Variants in PEPD observed in about 807,000 individuals in gnomAD.
PEPD encodes xaa-Pro dipeptidase.
Under a neutral mutation model 60.7 loss-of-function variants are expected in PEPD, and 53 were observed. The observed-to-expected ratio is 0.87, with a 90% CI of 0.70 to 1.10. The LOEUF is 1.10. PEPD is among the 50% of genes least tolerant of loss of function. PEPD has a pLI of 0.00. For missense variants in PEPD, 711 were observed against 711.9 expected (o/e 1.00, Z 0.01); for synonymous variants, 267 against 284.1 (o/e 0.94, Z 0.60).
At chr19:33,437,541 A>G (rs1969401861) in intron 9 of PEPD, among the ~76,000 whole-genome samples, 1 of 152,164 alleles carries the variant, frequency 6.6e-6, no homozygotes, top group Non-Finnish European at 1.5e-5. Context: ...TTAAGAAGAT[A>G]CTGTAGGCAC....
At chr19:33,430,678 A>G (rs1969251322) in intron 9 of PEPD, among the ~76,000 whole-genome samples, 1 of 152,200 alleles carries the variant, frequency 6.6e-6, no homozygotes, top group South Asian at 2.1e-4. Context: ...TCATTTTGAA[A>G]ACACTTTTGG....
rs1461154730 is a variant in PEPD at position 33,494,502 on chromosome 19, A to T, written c.394-1165T>A. Among the ~76,000 whole-genome samples the T allele has an allele frequency of 2.6e-5, 4 of 152,262 alleles. No homozygotes were observed. The East Asian group carries it at 7.7e-4, about 29-fold the overall frequency. ...TGCACGTACAATCCTATCTCCAGAGACATTTTAGCTTTGCTCATAAAAACA... is the reference window on the plus strand; with the variant it reads ...TGCACGTACAATCCTATCTCCAGAGTCATTTTAGCTTTGCTCATAAAAACA... On this transcript the variant is annotated intron_variant, in intron 4 of 14. Coordinates refer to ENST00000244137, the MANE Select transcript of PEPD (RefSeq NM_000285.4).
intron 9 of PEPD, among the ~76,000 whole-genome samples, chr19:33,426,540 G>A (rs1197743749): frequency 2.6e-5 from 4 of 152,134 alleles, no homozygotes; most frequent in Non-Finnish European, 5.9e-5. Flanking sequence ...CCTCCCTATC[G>A]TCCTCTGCTG....
chr19:33,406,693 G>A (rs986516810), intron 11 of PEPD, among the ~76,000 whole-genome samples: 2 of 152,202 alleles, frequency 1.3e-5, no homozygotes, highest in African/African-American at 2.4e-5. Context: ...GGTCCGCAGC[G>A]CGATGGTGGC....
At chr19:33,399,719 C>T (rs914655924) in intron 12 of PEPD, among the ~76,000 whole-genome samples, 1 of 152,198 alleles carries the variant, frequency 6.6e-6, no homozygotes, top group African/African-American at 2.4e-5. Flanking sequence ...CTCAGTCGAC[C>T]GCCGAGCCAT....
chr19:33,486,174 T>C (rs988242585), intron 6 of PEPD, among the ~76,000 whole-genome samples: 9 of 152,046 alleles, frequency 5.9e-5, no homozygotes, highest in Non-Finnish European at 1.3e-4. Context: ...CCAGGGAGCC[T>C]ATCTTGCCAT....
chr19:33,506,514 AC>A (rs1022834156), intron 3 of PEPD, among the ~76,000 whole-genome samples: 3 of 138,770 alleles, frequency 2.2e-5, no homozygotes, highest in African/African-American at 8.3e-5. Context: ...ACCCATACAC[AC>A]CCTCACATGC....
At chr19:33,492,001 T>A (rs4805897) in intron 5 of PEPD, among the ~76,000 whole-genome samples, 11,248 of 149,040 alleles carry the variant, frequency 0.075, 649 homozygotes, top group Admixed American at 0.18. Flanking sequence ...GGGAGGAAAG[T>A]CTTTGAAGAG....
intron 9 of PEPD, among the ~76,000 whole-genome samples, chr19:33,414,563 C>T (rs1468777123): frequency 6.6e-6 from 1 of 152,174 alleles, no homozygotes; most frequent in African/African-American, 2.4e-5. Flanking sequence ...CCTGCCACCA[C>T]GTGAGACAGG....
intron 1 of PEPD, among the ~76,000 whole-genome samples, chr19:33,518,352 C>T (rs747478581): frequency 2.6e-5 from 4 of 152,176 alleles, no homozygotes; most frequent in Non-Finnish European, 5.9e-5. Flanking sequence ...CCCCAGTCGG[C>T]CTGAGTCTTC....
intron 9 of PEPD, 89 bp from the exon 10 acceptor site, chr19:33,413,732 G>A (rs544736152): frequency 2.2e-4 from 176 of 788,940 alleles, no homozygotes; most frequent in Non-Finnish European, 3.4e-4. Flanking sequence ...GAAGGCCCTC[G>A]GCCCATGGTC....
Position 33,465,474 on chromosome 19 carries a change from C to T in PEPD, c.549-1412G>A, listed in dbSNP as rs117144276. Among the ~76,000 whole-genome samples, 741 of 152,202 alleles carry T rather than the reference C, an allele frequency of 4.9e-3. 28 individuals are homozygous for T. The East Asian group carries it at 0.1, about 21-fold the overall frequency. ...CACCCCTCTACTGGTCTCCTTGATT[C>T]GATGGAGGGAGCCAAGACTCAGCTC... On this transcript the variant is annotated intron_variant, in intron 7 of 14. Coordinates refer to ENST00000244137, the MANE Select transcript of PEPD (RefSeq NM_000285.4).
intron 4 of PEPD, 47 bp downstream of exon 4, chr19:33,500,891 G>C: frequency 9.4e-7 from 1 of 1,062,526 alleles, no homozygotes; most frequent in Non-Finnish European, 1.5e-6. Context: ...GGAGTGGAAG[G>C]CATGCTGGAA....
intron 7 of PEPD, among the ~76,000 whole-genome samples, chr19:33,473,735 A>G (rs1289224351): frequency 6.6e-6 from 1 of 152,208 alleles, no homozygotes; most frequent in Non-Finnish European, 1.5e-5. Context: ...CACAGCCTAA[A>G]TTATGGAAGT....
intron 9 of PEPD, among the ~76,000 whole-genome samples, chr19:33,446,680 G>A (rs1969600145): frequency 6.6e-6 from 1 of 152,226 alleles, no homozygotes; most frequent in African/African-American, 2.4e-5. Flanking sequence ...GACCCCTTTT[G>A]CAAAAGCAGC....
chr19:33,517,371 C>T (rs896709134), intron 1 of PEPD, among the ~76,000 whole-genome samples: 1 of 151,720 alleles, frequency 6.6e-6, no homozygotes, highest in African/African-American at 2.4e-5. Flanking sequence ...ACCACCTGGC[C>T]AACATGGTGA....
intron 10 of PEPD, among the ~76,000 whole-genome samples, chr19:33,412,442 G>C (rs551020321): frequency 6.6e-6 from 1 of 152,330 alleles, no homozygotes; most frequent in East Asian, 1.9e-4. Context: ...AAAGGGGAGA[G>C]GGCCTCTATG....
chr19:33,477,595 C>T (rs1446086504), intron 7 of PEPD, among the ~76,000 whole-genome samples: 1 of 152,232 alleles, frequency 6.6e-6, no homozygotes, highest in East Asian at 1.9e-4. Context: ...GCCAGTTGTG[C>T]AGCAGGTAAG....
At chr19:33,493,537 C>A in intron 4 of PEPD, 200 bp from the exon 5 acceptor site, 2 of 658,666 alleles carry the variant, frequency 3.0e-6, no homozygotes, top group East Asian at 2.8e-5. Context: ...ACACAGCCAT[C>A]GAGGGGCAGA....
Sources: gnomAD v4.1 joint callset for allele counts (sites outside exome capture counted in the v4.1 genomes callset) on GRCh38, gnomAD v4.1.1 for gene constraint, MANE v1.5 for transcripts, NCBI Gene and HGNC (gene_info 2026-07-23, HGNC 2026-07-21) for gene names.